The following ZFC3H1 variants were observed in gnomAD, a reference collection of about 807,000 sequenced individuals.
ZFC3H1 encodes the protein zinc finger C3H1-type containing.
In ZFC3H1, 71 loss-of-function variants were observed where a neutral mutation model predicts 243.7. That is an observed-to-expected ratio of 0.29 (90% CI 0.24 to 0.36). ZFC3H1 has a LOEUF of 0.36. Among genes scored for constraint, ZFC3H1 ranks in the 10% least tolerant of loss-of-function variants. The pLI, the probability that ZFC3H1 is intolerant of heterozygous loss-of-function variation, is 1.00. For synonymous variants in ZFC3H1, 838 were observed against 813.0 expected (o/e 1.03, Z -0.52); for missense variants, 1,966 against 2,317.1 (o/e 0.85, Z 3.11).
At chr12:71,622,283 G>T (rs1880049849) in intron 24 of ZFC3H1, among the ~76,000 whole-genome samples, 1 of 152,072 alleles carries the variant, frequency 6.6e-6, no homozygotes, top group South Asian at 2.1e-4. Context: ...TAAGACAAGG[G>T]TCCACCCCAT....
Position 71,610,254 on chromosome 12 carries a change from G to T in ZFC3H1, c.*174C>A. 1 of 717,610 alleles carries T rather than the reference G, an allele frequency of 1.4e-6. No homozygotes were observed. Among genetic ancestry groups the T allele is most frequent in the Non-Finnish European group, 2.2e-6 (1 of 454,514 alleles). The allele number at this position is 717,610 out of a possible 1,614,324, so 44.5% of individuals were successfully genotyped here. On this transcript the variant is annotated 3_prime_UTR_variant, in exon 35 of 35. Coordinates refer to ENST00000378743, the MANE Select transcript of ZFC3H1 (RefSeq NM_144982.5). Reference sequence around the variant, plus strand: ...GAAGTTCATTTATCCAACCGAAGAGGATCATGTTCATTGCTTCCGGTTTTG... The same window carrying T: ...GAAGTTCATTTATCCAACCGAAGAGTATCATGTTCATTGCTTCCGGTTTTG...
intron 27 of ZFC3H1, among the ~76,000 whole-genome samples, chr12:71,618,097 T>C (rs1210799940): frequency 6.6e-6 from 1 of 151,870 alleles, no homozygotes; most frequent in South Asian, 2.1e-4. Context: ...AAACCTGTCA[T>C]TACTAAAATA....
chr12:71,640,750 T>C (rs553272754), intron 6 of ZFC3H1, among the ~76,000 whole-genome samples: 84 of 152,304 alleles, frequency 5.5e-4, no homozygotes, highest in Middle Eastern at 6.8e-3. Flanking sequence ...ATTTTTAAGT[T>C]GTTCTGCCAC....
At chr12:71,616,081 G>C (rs761699970) in intron 27 of ZFC3H1, among the ~76,000 whole-genome samples, 1 of 152,108 alleles carries the variant, frequency 6.6e-6, no homozygotes. Context: ...CTTAAGGTCA[G>C]GAGTTCAAGA....
Position 71,633,382 on chromosome 12 carries a change from T to G in ZFC3H1, c.2567A>C (p.Lys856Thr). 6.3e-7 allele frequency: 1 copy of G among 1,597,854 alleles called. No homozygotes were observed. The highest frequency in any genetic ancestry group is 2.3e-5 in the East Asian group (1 of 44,406). Reference sequence around the variant, plus strand: ...AGCATTTCTAACAGATTCTTTCTTCTTAGCTTCTTGTTGCACTAAATTCTT... The same window carrying G: ...AGCATTTCTAACAGATTCTTTCTTCGTAGCTTCTTGTTGCACTAAATTCTT... ...VLKNLVQQEAKKKESVRNAEA... is the reference protein window; with the variant it reads ...VLKNLVQQEATKKESVRNAEA... Residue 856 changes from lysine (K) to threonine (T), a missense_variant, in exon 13 of 35, where the codon AAG becomes ACG. Transcript: ENST00000378743.
chr12:71,615,001 A>T, intron 28 of ZFC3H1, 63 bp from the exon 29 acceptor site: 1 of 1,395,100 alleles, frequency 7.2e-7, no homozygotes, highest in Non-Finnish European at 1.0e-6. Flanking sequence ...AAGGAATGAC[A>T]AAGTATTTTA....
intron 2 of ZFC3H1, among the ~76,000 whole-genome samples, chr12:71,650,204 A>T (rs190882019): frequency 1.3e-3 from 200 of 152,252 alleles, no homozygotes; most frequent in Non-Finnish European, 2.4e-3. Flanking sequence ...TGAACCTGGG[A>T]GGTGGAGCTT....
chr12:71,650,054 G>A (rs1247382637), intron 2 of ZFC3H1, among the ~76,000 whole-genome samples: 1 of 152,168 alleles, frequency 6.6e-6, no homozygotes, highest in African/African-American at 2.4e-5. Flanking sequence ...CAGGCGTGGT[G>A]GCAGGCACCT....
Position 71,663,353 on chromosome 12 carries a change from G to C in ZFC3H1, c.258C>G (p.Phe86Leu). 2 of 1,613,206 alleles carry C rather than the reference G, an allele frequency of 1.2e-6. No homozygotes were observed. Among genetic ancestry groups the C allele is most frequent in the African/African-American group, 1.3e-5 (1 of 75,084 alleles). Residue 86 changes from phenylalanine (F) to leucine (L), a missense_variant, in exon 1 of 35, where the codon TTC (phenylalanine) becomes TTG (leucine). Physicochemically the swap from Phe to Leu is conservative, Grantham distance 22. This residue lies in a region of ZFC3H1 where 484 missense variants were observed against 449.7 expected (regional missense o/e 1.08). Coordinates refer to ENST00000378743, the MANE Select transcript of ZFC3H1 (RefSeq NM_144982.5). ...SSSSQQQLRN[F>L]SRSRHASERG... ...GCTCAGACGCGTGCCGCGAGCGTGA[G>C]AAATTCCTCAGCTGCTGCTGAGAAG...
chr12:71,655,425 A>G (rs1232988095), intron 2 of ZFC3H1, among the ~76,000 whole-genome samples: 8 of 152,098 alleles, frequency 5.3e-5, no homozygotes, highest in Admixed American at 5.2e-4. Flanking sequence ...AATAGGAGAG[A>G]GGCTGAAAAC....
At position 71,632,366 on chromosome 12, in the gene ZFC3H1, A is replaced by T. The variant is rs775774488; in HGVS notation, c.2966T>A (p.Leu989His). The T allele has an allele frequency of 6.2e-7, 1 of 1,613,578 alleles. No homozygotes were observed. The highest frequency in any genetic ancestry group is 1.7e-5 in the Admixed American group (1 of 59,944). Reference sequence around the variant, plus strand: ...GATATTTTGTTGTTCCTTTGCTTTAAGGGCACGGGCTTCTTTTAATTTTTG... The same window carrying T: ...GATATTTTGTTGTTCCTTTGCTTTATGGGCACGGGCTTCTTTTAATTTTTG... ...KIQKLKEARA[L>H]KAKEQQNISP... is the part of the protein sequence containing the mutation. The change falls in exon 15 of 35, where the codon CTT (leucine) becomes CAT (histidine). Residue 989 changes from leucine (L) to histidine (H), a missense_variant. This residue lies in a region of ZFC3H1 where 1,383 missense variants were observed against 1,723.7 expected (regional missense o/e 0.80). Transcript: ENST00000378743.
chr12:71,618,106 T>C (rs555091516), intron 27 of ZFC3H1, among the ~76,000 whole-genome samples: 1 of 151,632 alleles, frequency 6.6e-6, no homozygotes, highest in African/African-American at 2.4e-5. Context: ...ATTACTAAAA[T>C]ATAAAAAAAT....
In ZFC3H1 at chr12:71,623,322, T is replaced by A. The variant is rs746062739; in HGVS notation, c.4744+38A>T. The stretch of plus-strand genomic sequence containing the variant: ...GTTAATGTTCTAAACACTGATGTTA[T>A]AACAGTTGATATTACAATTTATAAA... On this transcript the variant is annotated intron_variant, in intron 24 of 34. Transcript: ENST00000378743. 66 of 1,492,576 alleles carry A rather than the reference T, an allele frequency of 4.4e-5. No individual in the cohort carries two copies. The South Asian group carries it at 7.7e-4, about 17-fold the overall frequency. The allele number at this position is 1,492,576 out of a possible 1,614,324, so 92.5% of individuals were successfully genotyped here.
rs1430787764 is a variant in ZFC3H1, at chr12:71,638,474, A to G, written c.1669T>C (p.Leu557=). The G allele has an allele frequency of 1.2e-6, 2 of 1,612,844 alleles. No homozygotes were observed. Among genetic ancestry groups the G allele is most frequent in the Admixed American group, 1.7e-5 (1 of 59,864 alleles). The part of the protein sequence containing the change: ...VQPPFFSECS[L]GYFSPAPSLS... ...GATGGTGCTGGAGAAAAATACCCCAATGAACATTCAGAGAAAAATGGCGGT... is the reference window on the plus strand; with the variant it reads ...GATGGTGCTGGAGAAAAATACCCCAGTGAACATTCAGAGAAAAATGGCGGT... Residue 557 remains leucine, a synonymous_variant, in exon 7 of 35, where the codon TTG becomes CTG. Coordinates refer to ENST00000378743, the MANE Select transcript of ZFC3H1 (RefSeq NM_144982.5).
chr12:71,660,789 A>G (rs1881148553), intron 1 of ZFC3H1, among the ~76,000 whole-genome samples: 1 of 152,000 alleles, frequency 6.6e-6, no homozygotes, highest in South Asian at 2.1e-4. Context: ...TTGTTTCCCT[A>G]ATACAAACTA....
Position 71,663,460 on chromosome 12 carries a change from G to T in ZFC3H1, c.151C>A (p.Pro51Thr). 6.2e-7 allele frequency: 1 copy of T among 1,612,466 alleles called. No homozygotes were observed. The highest frequency in any genetic ancestry group is 2.2e-5 in the East Asian group (1 of 44,878). The change falls in exon 1 of 35, where the codon CCC becomes ACC. Residue 51 changes from proline to threonine, a missense_variant. Pro to Thr is a conservative substitution (Grantham distance 38). Transcript: ENST00000378743. The part of the protein sequence containing the change: ...SSSSSGGGLL[P>T]YPRRRPPHSA... ...TGAGGAGGCCTTCGCCGCGGATAGG[G>T]TAACAGCCCGCCGCCGCTGCTGCTG...
chr12:71,611,502 T>C (rs1879768936), intron 32 of ZFC3H1: 1 of 168,478 alleles, frequency 5.9e-6, no homozygotes. Context: ...CTGTAGCAGA[T>C]TTGTTTGATA....
At chr12:71,635,657 A>G in intron 9 of ZFC3H1, 77 bp from the exon 10 acceptor site, 1 of 1,412,676 alleles carries the variant, frequency 7.1e-7, no homozygotes, top group Non-Finnish European at 9.3e-7. Flanking sequence ...ATCCACAAAA[A>G]TAATGGGCTC....
At chr12:71,661,058 C>T (rs1881159349) in intron 1 of ZFC3H1, among the ~76,000 whole-genome samples, 1 of 152,030 alleles carries the variant, frequency 6.6e-6, no homozygotes, top group East Asian at 1.9e-4. Flanking sequence ...AATCCCAGCA[C>T]TTTGGGAGGC....
Sources: gnomAD v4.1 joint callset for allele counts (sites outside exome capture counted in the v4.1 genomes callset) on GRCh38, gnomAD v4.1.1 for gene constraint, gnomAD v4.1.1 regional missense constraint, MANE v1.5 for transcripts, NCBI Gene and HGNC (gene_info 2026-07-23, HGNC 2026-07-21) for gene names.